The following SHC4 variants were observed in gnomAD, a reference collection of about 807,000 sequenced individuals.
SHC4 encodes the protein SHC-transforming protein 4.
A neutral mutation model predicts 69.4 loss-of-function variants in SHC4; 41 were observed. The observed-to-expected ratio is 0.59, with a 90% CI of 0.46 to 0.77. SHC4 has a LOEUF of 0.77. Among genes scored for constraint, SHC4 ranks in the 30% least tolerant of loss-of-function variants. SHC4 has a pLI of 0.00. For synonymous variants in SHC4, 318 were observed against 299.3 expected, an observed-to-expected ratio of 1.06 and a Z score of -0.64; for missense variants, 777 against 783.8, an observed-to-expected ratio of 0.99 and a Z score of 0.10.
chr15:48,927,855 C>T (rs557941200), intron 1 of SHC4, among the ~76,000 whole-genome samples: 5 of 152,302 alleles, frequency 3.3e-5, no homozygotes, highest in African/African-American at 9.6e-5. Flanking sequence ...CCCTATTCAT[C>T]ACTGATTGAT....
At chr15:48,889,801 A>G (rs1281829333) in intron 3 of SHC4, among the ~76,000 whole-genome samples, 3 of 152,188 alleles carry the variant, frequency 2.0e-5, no homozygotes, top group East Asian at 3.9e-4. Flanking sequence ...CCGAGATCGC[A>G]CCATTGCACT....
rs577628839 is a variant in SHC4 at position 48,826,071 on chromosome 15, A to G, written c.1793T>C (p.Met598Thr). 6.2e-7 allele frequency: 1 copy of G among 1,613,978 alleles called. No individual in the cohort carries two copies. The highest frequency in any genetic ancestry group is 2.2e-5 in the East Asian group (1 of 44,842). Residue 598 changes from methionine to threonine, a missense_variant, in exon 12 of 12, where the codon ATG (methionine) becomes ACG (threonine). By Grantham distance (81) the Met-to-Thr change is moderately conservative. Transcript: ENST00000332408. ...GGAGATGATTGGCAAACTGTTATCC[A>G]TATGGTATCTGATAAGGTGGCCGAC... is the stretch of plus-strand genomic sequence containing the variant. ...DNVGHLIRYH[M>T]DNSLPIISSG...
Position 48,881,009 on chromosome 15 carries a change from T to A in SHC4, c.840+3239A>T, listed in dbSNP as rs1457703823. On this transcript the variant is annotated intron_variant, in intron 4 of 11. Coordinates refer to ENST00000332408, the MANE Select transcript of SHC4 (RefSeq NM_203349.4). The stretch of plus-strand genomic sequence containing the variant: ...GAGTGTGTGTGTGTGTGTGTGTGTG[T>A]GTGTGTGTGTGTGTCTTCATTTAAG... Among the ~76,000 whole-genome samples the A allele has an allele frequency of 5.3e-5, 8 of 151,706 alleles. No homozygotes were observed. In the East Asian group the frequency reaches 5.8e-4, roughly 11 times the overall value.
At chr15:48,896,357 G>C (rs1402657122) in intron 2 of SHC4, among the ~76,000 whole-genome samples, 2 of 136,446 alleles carry the variant, frequency 1.5e-5, no homozygotes, top group Non-Finnish European at 3.0e-5. Flanking sequence ...GTCTCACTCT[G>C]TCGGCCAGGC....
intron 11 of SHC4, among the ~76,000 whole-genome samples, chr15:48,833,233 TG>T (rs1259069113): frequency 6.6e-6 from 1 of 152,082 alleles, no homozygotes. Flanking sequence ...AAACCTTCTG[TG>T]GGGGGACGTG....
intron 4 of SHC4, among the ~76,000 whole-genome samples, chr15:48,880,983 AGAGTGTGTGTGTGTGT>A (rs1008346607): frequency 1.7e-4 from 18 of 108,214 alleles, no homozygotes; most frequent in African/African-American, 7.4e-4. Context: ...GATGTGTGTG[AGAGTGTGTGTGTGTGT>A]GTGTGTGTGT....
chr15:48,955,973 T>C lies in SHC4; in HGVS notation c.585+6458A>G, dbSNP rs562142217. On this transcript the variant is annotated intron_variant, in intron 1 of 11. Coordinates refer to ENST00000332408, the MANE Select transcript of SHC4 (RefSeq NM_203349.4). Reference sequence around the variant, plus strand: ...TGAAGTGTGTGGACTCACTGATCTCTAAGACTCTTGCAGTTAAGGCTCTAG... The same window carrying C: ...TGAAGTGTGTGGACTCACTGATCTCCAAGACTCTTGCAGTTAAGGCTCTAG... 1.2e-3 allele frequency among the ~76,000 whole-genome samples: 181 copies of C among 152,266 alleles called. 2 individuals carry two copies. Among genetic ancestry groups the C allele is most frequent in the African/African-American group, 4.1e-3 (169 of 41,556 alleles).
intron 10 of SHC4, among the ~76,000 whole-genome samples, chr15:48,840,027 C>A (rs1898963620): frequency 6.6e-6 from 1 of 152,202 alleles, no homozygotes; most frequent in Non-Finnish European, 1.5e-5. Context: ...GGGTCACATC[C>A]TTTAAAGAAA....
chr15:48,912,696 T>C (rs1257622298), intron 2 of SHC4, among the ~76,000 whole-genome samples: 1 of 152,210 alleles, frequency 6.6e-6, no homozygotes, highest in African/African-American at 2.4e-5. Flanking sequence ...GTTGGTTTTC[T>C]GGTTCCTTCT....
At chr15:48,855,050 G>A (rs1899285697) in intron 8 of SHC4, among the ~76,000 whole-genome samples, 1 of 152,076 alleles carries the variant, frequency 6.6e-6, no homozygotes, top group Non-Finnish European at 1.5e-5. Flanking sequence ...GGTGGGAGGA[G>A]GGTGAGGATT....
At position 48,950,460 on chromosome 15, in the gene SHC4, C is replaced by T. The variant is rs1901349044; in HGVS notation, c.585+11971G>A. Among the ~76,000 whole-genome samples the T allele has an allele frequency of 2.0e-5, 3 of 151,816 alleles. No individual in the cohort carries two copies. In the South Asian group the frequency reaches 6.2e-4, roughly 31 times the overall value. On this transcript the variant is annotated intron_variant, in intron 1 of 11. Coordinates refer to ENST00000332408, the MANE Select transcript of SHC4 (RefSeq NM_203349.4). ...GTCTATAGGCATATATCATTTTCTACCTTGTATTATGATTATTGATCTCCT... is the reference window on the plus strand; with the variant it reads ...GTCTATAGGCATATATCATTTTCTATCTTGTATTATGATTATTGATCTCCT...
intron 1 of SHC4, among the ~76,000 whole-genome samples, chr15:48,940,905 G>A (rs78321054): frequency 0.021 from 3,171 of 152,214 alleles, 203 homozygotes; most frequent in South Asian, 0.19. Flanking sequence ...TCAACAATAC[G>A]GCTTTGCGGA....
chr15:48,866,201 G>A (rs1201882101), intron 6 of SHC4, among the ~76,000 whole-genome samples: 1 of 152,190 alleles, frequency 6.6e-6, no homozygotes, highest in Non-Finnish European at 1.5e-5. Context: ...GGGATGAGAA[G>A]AAGTTGCCCT....
At chr15:48,944,250 G>T (rs1901233127) in intron 1 of SHC4, among the ~76,000 whole-genome samples, 1 of 151,872 alleles carries the variant, frequency 6.6e-6, no homozygotes, top group Non-Finnish European at 1.5e-5. Context: ...GAGACTCTGG[G>T]TGCCCTACCT....
intron 2 of SHC4, among the ~76,000 whole-genome samples, chr15:48,910,566 G>A (rs548845035): frequency 2.0e-5 from 3 of 151,846 alleles, no homozygotes; most frequent in African/African-American, 4.8e-5. Flanking sequence ...ATTTCATTTA[G>A]TTCTGCTCTG....
At chr15:48,956,690 A>G (rs1005838225) in intron 1 of SHC4, among the ~76,000 whole-genome samples, 3 of 152,184 alleles carry the variant, frequency 2.0e-5, no homozygotes, top group African/African-American at 7.2e-5. Flanking sequence ...CCATGCCAGT[A>G]TAACACCCTC....
At chr15:48,850,971 T>C (rs888194336) in intron 9 of SHC4, among the ~76,000 whole-genome samples, 1 of 152,192 alleles carries the variant, frequency 6.6e-6, no homozygotes, top group African/African-American at 2.4e-5. Context: ...ACCATCATCA[T>C]GGCAGATCAC....
At chr15:48,864,998 T>C (rs962583642) in intron 6 of SHC4, among the ~76,000 whole-genome samples, 1 of 152,210 alleles carries the variant, frequency 6.6e-6, no homozygotes, top group Non-Finnish European at 1.5e-5. Context: ...AACACTTGGC[T>C]GTAAGCTCTC....
At chr15:48,886,939 T>C (rs1900046439) in intron 3 of SHC4, among the ~76,000 whole-genome samples, 1 of 152,110 alleles carries the variant, frequency 6.6e-6, no homozygotes, top group Non-Finnish European at 1.5e-5. Context: ...CAGAGGTGCT[T>C]ATCCACATTT....
Sources: gnomAD v4.1 joint callset for allele counts (sites outside exome capture counted in the v4.1 genomes callset) on GRCh38, gnomAD v4.1.1 for gene constraint, MANE v1.5 for transcripts, NCBI Gene and HGNC (gene_info 2026-07-23, HGNC 2026-07-21) for gene names.